CNTNAP1: variants seen among roughly 807,000 people sequenced by gnomAD.
CNTNAP1 encodes contactin associated protein 1.
CNTNAP1 carries 80 observed loss-of-function variants against 161.5 expected under a neutral mutation model. That is an observed-to-expected ratio of 0.50 (90% CI 0.41 to 0.60). CNTNAP1 has a LOEUF of 0.60. Ranked by LOEUF, CNTNAP1 falls within the 20% of genes least tolerant of loss-of-function variation. The probability of loss-of-function intolerance (pLI) is 0.00; values close to 1 mark genes in which losing one functional copy is unlikely to be tolerated. For synonymous variants in CNTNAP1, 695 were observed against 733.1 expected, an observed-to-expected ratio of 0.95 and a Z score of 0.84; for missense variants, 1,464 against 1,854.8, an observed-to-expected ratio of 0.79 and a Z score of 3.87.
intron 21 of CNTNAP1, 62 bp downstream of exon 21, chr17:42,697,429 A>G: frequency 6.2e-7 from 1 of 1,604,374 alleles, no homozygotes; most frequent in Non-Finnish European, 8.5e-7. Flanking sequence ...CTGGATCCTC[A>G]AGGAAAGTGA....
intron 18 of CNTNAP1, among the ~76,000 whole-genome samples, chr17:42,694,424 G>C (rs1208453852): frequency 2.0e-5 from 3 of 148,938 alleles, no homozygotes; most frequent in Non-Finnish European, 4.5e-5. Context: ...CACCCACCTT[G>C]GCCTCCCAAA....
chr17:42,695,723 T>C lies in CNTNAP1; in HGVS notation c.3195T>C (p.Pro1065=), dbSNP rs912124127. ...ACCGCCTGCCCGACTACCCCCGGCC[T>C]GGTCGGCCTGTGCCCGGTTACCGTG... ...PGYRLPDYPR[P]GRPVPGYRGP... The change falls in exon 19 of 24, where the codon CCT becomes CCC. Residue 1065 remains proline, a synonymous_variant. Coordinates refer to ENST00000264638, the MANE Select transcript of CNTNAP1 (RefSeq NM_003632.3). 3.1e-6 allele frequency: 5 copies of C among 1,614,192 alleles called. No individual in the cohort carries two copies. The South Asian group carries it at 3.3e-5, about 11-fold the overall frequency.
chr17:42,689,056 A>G lies in CNTNAP1; in HGVS notation c.1628+9A>G. On this transcript the variant is annotated intron_variant, in intron 10 of 23. Coordinates refer to ENST00000264638, the MANE Select transcript of CNTNAP1 (RefSeq NM_003632.3). ...TGTGGCATCACTGATAGGTACCCAG[A>G]AGCCCCTAACAAGAGATGACCCCTC... 6.4e-7 allele frequency: 1 copy of G among 1,556,184 alleles called. No individual in the cohort carries two copies. The highest frequency in any genetic ancestry group is 8.7e-7 in the Non-Finnish European group (1 of 1,149,664).
chr17:42,691,603 G>C lies in CNTNAP1; in HGVS notation c.2344+92G>C. 1.9e-6 allele frequency: 3 copies of C among 1,558,674 alleles called. No individual in the cohort carries two copies. The highest frequency in any genetic ancestry group is 2.6e-6 in the Non-Finnish European group (3 of 1,148,082). ...CATGTCACTGGTGGTCTCTAGCTGG[G>C]GTGCCCGACCCCCAGCTCCTGCTGT... On this transcript the variant is annotated intron_variant, in intron 15 of 23. Transcript: ENST00000264638. This position sits in a 1 kb window ranked among gnomAD's most constrained non-coding sequence, Gnocchi z 4.3.
intron 21 of CNTNAP1, 21 bp from the exon 22 acceptor site, chr17:42,697,533 C>G: frequency 6.2e-7 from 1 of 1,613,400 alleles, no homozygotes; most frequent in Non-Finnish European, 8.5e-7. Context: ...GTCCCTCTTT[C>G]TGGGCCTGCC....
intron 12 of CNTNAP1, among the ~76,000 whole-genome samples, chr17:42,690,446 C>T (rs996167854): frequency 4.0e-5 from 6 of 151,182 alleles, no homozygotes; most frequent in African/African-American, 1.5e-4. Flanking sequence ...ATCACTTGAA[C>T]CTGGGAGGTG....
chr17:42,696,017 C>T lies in CNTNAP1; in HGVS notation c.3347-8C>T. On this transcript the variant is annotated splice_polypyrimidine_tract_variant and splice_region_variant and intron_variant, in intron 19 of 23. Coordinates refer to ENST00000264638, the MANE Select transcript of CNTNAP1 (RefSeq NM_003632.3). ...TGAGACCCCAAATTTCTTCTCCCCA[C>T]CCCACAGGGACCCTTCAGCTGCGAT... The T allele has an allele frequency of 6.2e-7, 1 of 1,613,668 alleles. No individual in the cohort carries two copies. Among genetic ancestry groups the T allele is most frequent in the Non-Finnish European group, 8.5e-7 (1 of 1,179,784 alleles).
chr17:42,685,252 AT>A lies in CNTNAP1; in HGVS notation c.548del (p.Ile183ThrfsTer41). On this transcript the variant is annotated frameshift_variant, in exon 5 of 24. Transcript: ENST00000264638. LOFTEE classifies it high-confidence loss of function. The surrounding 1 kb of genome is among the most constrained non-coding windows in gnomAD (Gnocchi z 5.0). ...ACTCTATTTCGACGGCGACGATGCC[AT>A]CTCCTACCGCTTCCCGCGAGGGGTC... ...DILYFDGDDA[I>X]SYRFPRGVSR... 1 of 1,613,840 alleles carries A rather than the reference AT, an allele frequency of 6.2e-7. No homozygotes were observed. Among genetic ancestry groups the A allele is most frequent in the Non-Finnish European group, 8.5e-7 (1 of 1,180,022 alleles).
chr17:42,697,885 G>A lies in CNTNAP1; in HGVS notation c.3815-18G>A, dbSNP rs369046658. The A allele has an allele frequency of 9.3e-6, 15 of 1,613,884 alleles. No homozygotes were observed. Among genetic ancestry groups the A allele is most frequent in the African/African-American group, 1.3e-5 (1 of 74,908 alleles). ...ACATGGAGGAGGCATCTCCTAACTG[G>A]TGCTTTCTCCTCTCCAGACTTCCCC... is the stretch of plus-strand genomic sequence containing the variant. On this transcript the variant is annotated intron_variant, in intron 22 of 23. Coordinates refer to ENST00000264638, the MANE Select transcript of CNTNAP1 (RefSeq NM_003632.3).
chr17:42,692,528 G>T lies in CNTNAP1; in HGVS notation c.2560G>T (p.Val854Leu), dbSNP rs1356799815. 3 of 1,614,178 alleles carry T rather than the reference G, an allele frequency of 1.9e-6. No individual in the cohort carries two copies. The highest frequency in any genetic ancestry group is 3.3e-5 in the Admixed American group (2 of 60,014). ...TSRDVVFAFD[V>L]GNGDENLTVH... ...CCGGGATGTGGTCTTCGCCTTTGAT[G>T]TGGGGAATGGGGATGAGAACCTCAC... is the stretch of plus-strand genomic sequence containing the variant. The change falls in exon 17 of 24, where the codon GTG becomes TTG. Residue 854 changes from valine to leucine, a missense_variant. Val to Leu is a conservative substitution (Grantham distance 32). This residue lies in a region of CNTNAP1 where 1,383 missense variants were observed against 1,765.0 expected (regional missense o/e 0.78). Coordinates refer to ENST00000264638, the MANE Select transcript of CNTNAP1 (RefSeq NM_003632.3).
intron 21 of CNTNAP1, 38 bp downstream of exon 21, chr17:42,697,405 T>C (rs772783414): frequency 3.7e-6 from 6 of 1,609,402 alleles, no homozygotes; most frequent in Non-Finnish European, 5.1e-6. Flanking sequence ...GGCAAGGAGC[T>C]GTGGCATATG....
At position 42,693,981 on chromosome 17, in the gene CNTNAP1, C is replaced by A. The variant is rs537453145; in HGVS notation, c.2992+445C>A. Among the ~76,000 whole-genome samples, 5 of 152,162 alleles carry A rather than the reference C, an allele frequency of 3.3e-5. No individual in the cohort carries two copies. The East Asian group carries it at 9.7e-4, about 29-fold the overall frequency. On this transcript the variant is annotated intron_variant, in intron 18 of 23. Coordinates refer to ENST00000264638, the MANE Select transcript of CNTNAP1 (RefSeq NM_003632.3). ...GTTCAAGCGATTCTTTTGCCTCAGC[C>A]TCCCGAGTAGCTAGGACTACAGATG...
At chr17:42,698,534 CGTGTGTGT>C (rs112344327) in intron 23 of CNTNAP1, 76 bp from the exon 24 acceptor site, 430 of 865,168 alleles carry the variant, frequency 5.0e-4, no homozygotes, top group African/African-American at 9.3e-4. Flanking sequence ...TCAAAGAGTG[CGTGTGTGT>C]GTGTGTGTGT....
Position 42,693,469 on chromosome 17 carries a change from G to A in CNTNAP1, c.2925G>A (p.Val975=), listed in dbSNP as rs2053117414. The A allele has an allele frequency of 1.9e-6, 3 of 1,614,114 alleles. No homozygotes were observed. Among genetic ancestry groups the A allele is most frequent in the Non-Finnish European group, 2.5e-6 (3 of 1,180,058 alleles). The change falls in exon 18 of 24, where the codon GTG becomes GTA. Residue 975 remains valine, a synonymous_variant. Transcript: ENST00000264638. ...CCTGTTTCCATGGAGGCCGCTGCGT[G>A]GAGCGCTATAGCTACTACACGTGTG... ...RLPCFHGGRC[V]ERYSYYTCDC...
At chr17:42,688,790 T>C in intron 9 of CNTNAP1, 86 bp from the exon 10 acceptor site, 6 of 1,557,112 alleles carry the variant, frequency 3.9e-6, no homozygotes, top group Non-Finnish European at 5.3e-6. Context: ...TTTCTTCCTT[T>C]ATGTCTGGCT....
In CNTNAP1 at chr17:42,687,857, C is replaced by T; in HGVS notation, c.1182C>T (p.Leu394=). The change falls in exon 8 of 24, where the codon CTC becomes CTT. Residue 394 remains leucine, a synonymous_variant. Coordinates refer to ENST00000264638, the MANE Select transcript of CNTNAP1 (RefSeq NM_003632.3). The surrounding 1 kb of genome is among the most constrained non-coding windows in gnomAD (Gnocchi z 4.7). ...CATTTCGCTTCCGCACCTGGGACCT[C>T]ACCGGGCTTCTCCTTTTCTCCCGTC... ...AVSFRFRTWD[L]TGLLLFSRLG... is the part of the protein sequence containing the mutation. The T allele has an allele frequency of 1.2e-6, 2 of 1,614,226 alleles. No homozygotes were observed. The highest frequency in any genetic ancestry group is 1.7e-4 in the Middle Eastern group (1 of 6,060).
At position 42,699,044 on chromosome 17, in the gene CNTNAP1, C is replaced by A. The variant is rs1409392479; in HGVS notation, c.*134C>A. 4.1e-6 allele frequency: 3 copies of A among 729,110 alleles called. No homozygotes were observed. The highest frequency in any genetic ancestry group is 2.9e-5 in the East Asian group (1 of 34,694). The allele number at this position is 729,110 out of a possible 1,614,324, so 45.2% of individuals were successfully genotyped here. ...AGAGGATATTCCCCCATCCCCCCCC[C>A]ATCAAGTTTGGTGGGCAGAGCTACA... On this transcript the variant is annotated 3_prime_UTR_variant, in exon 24 of 24. Coordinates refer to ENST00000264638, the MANE Select transcript of CNTNAP1 (RefSeq NM_003632.3).
At position 42,699,086 on chromosome 17, in the gene CNTNAP1, G is replaced by A. The variant is rs1351477251; in HGVS notation, c.*176G>A. 2 of 526,410 alleles carry A rather than the reference G, an allele frequency of 3.8e-6. No individual in the cohort carries two copies. Among genetic ancestry groups the A allele is most frequent in the Non-Finnish European group, 6.5e-6 (2 of 306,830 alleles). 32.6% of individuals were successfully genotyped at this position (526,410 alleles called of 1,614,324 possible). ...AGAGCTACAGATGGGACCCAAGGGA[G>A]TGGCCGAGCCTCACTGCCTAAACCA... On this transcript the variant is annotated 3_prime_UTR_variant, in exon 24 of 24. Transcript: ENST00000264638.
chr17:42,682,965 C>G (rs971403256), intron 1 of CNTNAP1, 69 bp downstream of exon 1: 2 of 1,431,790 alleles, frequency 1.4e-6, no homozygotes, highest in Non-Finnish European at 1.9e-6. Context: ...CGGCCCCGAA[C>G]CGCATTGCGG....
Sources: gnomAD v4.1 joint callset for allele counts (sites outside exome capture counted in the v4.1 genomes callset) on GRCh38, gnomAD v4.1.1 for gene constraint, gnomAD v4.1.1 regional missense constraint, Gnocchi (gnomAD v3.1) non-coding constraint, MANE v1.5 for transcripts, NCBI Gene and HGNC (gene_info 2026-07-23, HGNC 2026-07-21) for gene names.